EEF1D: variants seen among roughly 807,000 people sequenced by gnomAD.
EEF1D encodes eukaryotic translation elongation factor 1 delta.
Under a neutral mutation model 63.9 loss-of-function variants are expected in EEF1D, and 47 were observed. The ratio of observed to expected loss-of-function variants is 0.74; its 90% CI spans 0.58 to 0.94. The LOEUF (loss-of-function observed/expected upper bound fraction) is 0.94, where lower values mean the gene tolerates loss of function less well. Ranked by LOEUF, EEF1D falls within the 40% of genes least tolerant of loss-of-function variation. The pLI is 0.00. For synonymous variants in EEF1D, 412 were observed against 386.1 expected (o/e 1.07, Z -0.79); for missense variants, 907 against 899.0 (o/e 1.01, Z -0.11).
At chr8:143,591,482 G>C (rs547743850) in intron 2 of EEF1D, among the ~76,000 whole-genome samples, 1 of 152,194 alleles carries the variant, frequency 6.6e-6, no homozygotes, top group Non-Finnish European at 1.5e-5. Flanking sequence ...CCCAGCCCGC[G>C]CTCAGCCTGC....
intron 1 of EEF1D, among the ~76,000 whole-genome samples, chr8:143,595,720 G>A (rs920989794): frequency 1.3e-5 from 2 of 152,134 alleles, no homozygotes; most frequent in Non-Finnish European, 2.9e-5. Context: ...CAGCTCCATG[G>A]CCAGCCCTGC....
chr8:143,589,773 G>T lies in EEF1D; in HGVS notation c.309C>A (p.Leu103=), dbSNP rs143180580. The change falls in exon 3 of 10, where the codon CTC becomes CTA. Residue 103 remains leucine, a synonymous_variant. Coordinates refer to ENST00000618139, the MANE Select transcript of EEF1D (RefSeq NM_001130053.5). ...ACACGCGTTCGGCCGAGAGGCCCAG[G>T]AGGGCCAGGTCCGCGGGGCCGAGCC... ...KSGLGPADLA[L]LGLSAERVWL... The T allele has an allele frequency of 7.7e-6, 12 of 1,556,322 alleles. No homozygotes were observed. Among genetic ancestry groups the T allele is most frequent in the Non-Finnish European group, 1.0e-5 (12 of 1,153,414 alleles).
intron 7 of EEF1D, 36 bp from the exon 8 acceptor site, chr8:143,580,763 A>T: frequency 1.2e-6 from 2 of 1,606,642 alleles, no homozygotes. Context: ...CACGGCTGAG[A>T]CGCCCCAACC....
In EEF1D at chr8:143,589,721, C is replaced by T; in HGVS notation, c.361G>A (p.Ala121Thr). 1 of 1,523,656 alleles carries T rather than the reference C, an allele frequency of 6.6e-7. No homozygotes were observed. The highest frequency in any genetic ancestry group is 1.4e-5 in the African/African-American group (1 of 71,992). 94.4% of individuals were successfully genotyped at this position (1,523,656 alleles called of 1,614,324 possible). ...AGCTTCTGGCGGTAGGAGCTCTCTG[C>T]CTGGTCGAAAAGTGACTTGTCCAGC... ...VWLDKSLFDQ[A>T]ESSYRQKLAD... The change falls in exon 3 of 10, where the codon GCA (alanine) becomes ACA (threonine). Residue 121 changes from alanine to threonine, a missense_variant. Coordinates refer to ENST00000618139, the MANE Select transcript of EEF1D (RefSeq NM_001130053.5).
intron 5 of EEF1D, 55 bp downstream of exon 5, chr8:143,586,164 G>A: frequency 6.5e-7 from 1 of 1,533,720 alleles, no homozygotes; most frequent in South Asian, 1.2e-5. Flanking sequence ...GGAAAAATCA[G>A]ACATGCTGCT....
Sources: gnomAD v4.1 joint callset for allele counts (sites outside exome capture counted in the v4.1 genomes callset) on GRCh38, gnomAD v4.1.1 for gene constraint, MANE v1.5 for transcripts, NCBI Gene and HGNC (gene_info 2026-07-23, HGNC 2026-07-21) for gene names.